LRRC4C: variants seen among roughly 807,000 people sequenced by gnomAD.
LRRC4C encodes leucine rich repeat containing 4C.
LRRC4C carries 5 observed loss-of-function variants against 33.6 expected under a neutral mutation model. The ratio of observed to expected loss-of-function variants is 0.15; its 90% CI spans 0.08 to 0.31. The LOEUF (loss-of-function observed/expected upper bound fraction) is 0.31. LRRC4C is among the 10% of genes least tolerant of loss of function. LRRC4C has a pLI of 1.00. For synonymous variants in LRRC4C, 329 were observed against 302.0 expected (o/e 1.09, Z -0.93); for missense variants, 560 against 796.7 (o/e 0.70, Z 3.58).
Position 40,200,508 on chromosome 11 carries a change from C to G in LRRC4C, c.-96+41011G>C, listed in dbSNP as rs1862639090. 2.6e-5 allele frequency among the ~76,000 whole-genome samples: 4 copies of G among 151,954 alleles called. No individual in the cohort carries two copies. The South Asian group carries it at 6.2e-4, about 24-fold the overall frequency. On this transcript the variant is annotated intron_variant, in intron 5 of 6. Coordinates refer to ENST00000528697, the MANE Select transcript of LRRC4C (RefSeq NM_001258419.2). ...CCAACCTTTCTGTGTGAAGGTTATT[C>G]ACAAAGGCCAGCTTTCATCATCCCT...
At chr11:40,754,758 T>C (rs1476890191) in intron 2 of LRRC4C, among the ~76,000 whole-genome samples, 1 of 152,122 alleles carries the variant, frequency 6.6e-6, no homozygotes, top group Non-Finnish European at 1.5e-5. Flanking sequence ...TTTATTTTGT[T>C]TTAATTTTAC....
At chr11:41,194,807 T>A (rs958853681) in intron 1 of LRRC4C, among the ~76,000 whole-genome samples, 2 of 152,152 alleles carry the variant, frequency 1.3e-5, no homozygotes, top group African/African-American at 2.4e-5. Flanking sequence ...ATATCATGAA[T>A]GTGTGTTGTT....
intron 1 of LRRC4C, among the ~76,000 whole-genome samples, chr11:41,078,073 A>T (rs777551207): frequency 6.6e-6 from 1 of 152,142 alleles, no homozygotes; most frequent in African/African-American, 2.4e-5. Context: ...TCAGTTCCCA[A>T]TAATTTCCTC....
At chr11:40,624,925 A>G (rs183161728) in intron 3 of LRRC4C, among the ~76,000 whole-genome samples, 29 of 152,262 alleles carry the variant, frequency 1.9e-4, no homozygotes, top group African/African-American at 6.5e-4. Flanking sequence ...AGCAAAACCA[A>G]CAAATTTCTG....
chr11:41,244,499 G>T (rs1225124346), intron 1 of LRRC4C, among the ~76,000 whole-genome samples: 1 of 152,150 alleles, frequency 6.6e-6, no homozygotes, highest in Non-Finnish European at 1.5e-5. Flanking sequence ...AACACTGATT[G>T]CTATTAATGC....
At chr11:40,979,955 A>C (rs1852388067) in intron 1 of LRRC4C, among the ~76,000 whole-genome samples, 1 of 152,186 alleles carries the variant, frequency 6.6e-6, no homozygotes, top group Admixed American at 6.5e-5. Context: ...CATTTTATAA[A>C]ATTTCTTAGG....
At chr11:40,297,225 C>T (rs1944557593) in intron 4 of LRRC4C, among the ~76,000 whole-genome samples, 2 of 152,120 alleles carry the variant, frequency 1.3e-5, no homozygotes, top group Non-Finnish European at 2.9e-5. Flanking sequence ...TATTGAAGCA[C>T]AATACATACT....
chr11:40,960,422 T>C (rs1318982759), intron 1 of LRRC4C, among the ~76,000 whole-genome samples: 1 of 151,754 alleles, frequency 6.6e-6, no homozygotes, highest in African/African-American at 2.4e-5. Flanking sequence ...TAAAGTGACA[T>C]TGAACCAGAC....
At chr11:40,235,554 A>G (rs1450115210) in intron 5 of LRRC4C, among the ~76,000 whole-genome samples, 1 of 152,220 alleles carries the variant, frequency 6.6e-6, no homozygotes, top group Admixed American at 6.5e-5. Flanking sequence ...AATATTTGAC[A>G]GTAAAAGCTC....
chr11:40,460,466 A>G lies in LRRC4C; in HGVS notation c.-269-140745T>C, dbSNP rs138817200. 5.3e-4 allele frequency among the ~76,000 whole-genome samples: 80 copies of G among 152,312 alleles called. 1 individual carries two copies. Among genetic ancestry groups the G allele is most frequent in the African/African-American group, 1.9e-3 (77 of 41,582 alleles). On this transcript the variant is annotated intron_variant, in intron 3 of 6. Coordinates refer to ENST00000528697, the MANE Select transcript of LRRC4C (RefSeq NM_001258419.2). Reference sequence around the variant, plus strand: ...TGGTGAAATCTCTTAAGGAGTGTACATACAAAATATATCTGGATTGACTGA... The same window carrying G: ...TGGTGAAATCTCTTAAGGAGTGTACGTACAAAATATATCTGGATTGACTGA...
intron 5 of LRRC4C, among the ~76,000 whole-genome samples, chr11:40,151,253 C>G (rs1232950329): frequency 2.0e-5 from 3 of 152,194 alleles, no homozygotes; most frequent in Non-Finnish European, 4.4e-5. Context: ...ATCCAAACCA[C>G]AACCAGACAA....
At chr11:40,637,317 C>T (rs1048626182) in intron 3 of LRRC4C, among the ~76,000 whole-genome samples, 3 of 152,158 alleles carry the variant, frequency 2.0e-5, no homozygotes, top group Admixed American at 1.3e-4. Context: ...CTATGGCAGG[C>T]AATCTCTAAA....
chr11:41,409,788 T>C (rs1041452654), intron 1 of LRRC4C, among the ~76,000 whole-genome samples: 1 of 152,208 alleles, frequency 6.6e-6, no homozygotes, highest in African/African-American at 2.4e-5. Context: ...GAAAGCTGAT[T>C]TTGGTAGATA....
chr11:41,279,381 A>ACACACACACAC (rs1949585573), intron 1 of LRRC4C, among the ~76,000 whole-genome samples: 1 of 126,384 alleles, frequency 7.9e-6, no homozygotes. Context: ...CACACACACA[A>ACACACACACAC]ACACACACAC....
chr11:41,248,834 A>G (rs1188564668), intron 1 of LRRC4C, among the ~76,000 whole-genome samples: 1 of 152,206 alleles, frequency 6.6e-6, no homozygotes, highest in Non-Finnish European at 1.5e-5. Flanking sequence ...ACTCTCTCCG[A>G]ATCCGAAATG....
chr11:40,131,145 G>A (rs557960050), intron 6 of LRRC4C, among the ~76,000 whole-genome samples: 22 of 152,292 alleles, frequency 1.4e-4, no homozygotes, highest in African/African-American at 5.1e-4. Flanking sequence ...TTACGGAAAT[G>A]TGTCACATAT....
At chr11:41,195,585 T>C (rs1396873932) in intron 1 of LRRC4C, among the ~76,000 whole-genome samples, 2 of 151,998 alleles carry the variant, frequency 1.3e-5, no homozygotes, top group African/African-American at 4.8e-5. Flanking sequence ...AGTCCACCAA[T>C]AGCAAGCTGA....
At chr11:40,459,183 A>G (rs2138165997) in intron 3 of LRRC4C, among the ~76,000 whole-genome samples, 1 of 152,318 alleles carries the variant, frequency 6.6e-6, no homozygotes, top group African/African-American at 2.4e-5. Flanking sequence ...CTATTTTATA[A>G]GTGTTCTCTT....
At chr11:40,956,244 T>C (rs548661593) in intron 1 of LRRC4C, among the ~76,000 whole-genome samples, 2 of 151,928 alleles carry the variant, frequency 1.3e-5, no homozygotes, top group South Asian at 4.1e-4. Context: ...CATTCCTGGA[T>C]TGTAAAATAC....
Sources: allele counts gnomAD v4.1 joint callset (sites outside exome capture counted in the v4.1 genomes callset), GRCh38; gene constraint gnomAD v4.1.1; transcripts MANE v1.5; gene names NCBI Gene and HGNC (gene_info 2026-07-23, HGNC 2026-07-21).